The following QTMAN variants were observed in gnomAD, a reference collection of about 807,000 sequenced individuals.
The protein encoded by QTMAN is tRNA-queuosine alpha-mannosyltransferase.
At chr2:144,326,531 G>C in the QTMAN span, among the ~76,000 whole-genome samples, 1 of 147,112 alleles carries the variant, frequency 6.8e-6, no homozygotes, top group Non-Finnish European at 1.5e-5. Flanking sequence ...AGCTTGCAGT[G>C]AGCCGAGATT....
chr2:144,316,805 TATTCACTA>T, the QTMAN span, among the ~76,000 whole-genome samples: 1 of 152,214 alleles, frequency 6.6e-6, no homozygotes, highest in African/African-American at 2.4e-5. Context: ...ATTTCTTTTC[TATTCACTA>T]ATAACTTATC....
the QTMAN span, among the ~76,000 whole-genome samples, chr2:144,233,333 A>C: frequency 6.6e-6 from 1 of 152,202 alleles, no homozygotes; most frequent in African/African-American, 2.4e-5. Context: ...TTTAGCACCA[A>C]CTTCTATAAG....
chr2:143,954,827 C>T, the QTMAN span, among the ~76,000 whole-genome samples: 1 of 151,942 alleles, frequency 6.6e-6, no homozygotes, highest in South Asian at 2.1e-4. Context: ...TTAGGCACTA[C>T]CAGTTAAATA....
chr2:144,191,881 CTACT>C, the QTMAN span, among the ~76,000 whole-genome samples: 1 of 152,154 alleles, frequency 6.6e-6, no homozygotes, highest in Non-Finnish European at 1.5e-5. Flanking sequence ...CTCTTTTCCT[CTACT>C]GACTGACCAC....
the QTMAN span, among the ~76,000 whole-genome samples, chr2:144,105,573 G>A: frequency 6.6e-6 from 1 of 152,154 alleles, no homozygotes; most frequent in Non-Finnish European, 1.5e-5. Flanking sequence ...CAAAAGAAAT[G>A]AGCAAAGCCT....
At chr2:144,299,202 AC>A in the QTMAN span, among the ~76,000 whole-genome samples, 1 of 152,086 alleles carries the variant, frequency 6.6e-6, no homozygotes, top group African/African-American at 2.4e-5. Flanking sequence ...AGATTCAGAG[AC>A]CCCTAACTTG....
the QTMAN span, among the ~76,000 whole-genome samples, chr2:143,965,703 G>C: frequency 6.6e-6 from 1 of 152,206 alleles, no homozygotes; most frequent in Non-Finnish European, 1.5e-5. Flanking sequence ...CCACCCCATT[G>C]CACAACAGTT....
the QTMAN span, among the ~76,000 whole-genome samples, chr2:144,147,067 G>A: frequency 2.6e-5 from 4 of 151,730 alleles, no homozygotes; most frequent in Admixed American, 2.6e-4. Context: ...CAAGCCAAAT[G>A]GCTAACTTCA....
At chr2:144,110,678 G>C in the QTMAN span, among the ~76,000 whole-genome samples, 1 of 106,452 alleles carries the variant, frequency 9.4e-6, no homozygotes, top group African/African-American at 3.4e-5. Flanking sequence ...GAGAAAAATC[G>C]ACCCCCCCCC....
At chr2:144,017,326 A>G in the QTMAN span, among the ~76,000 whole-genome samples, 1 of 152,172 alleles carries the variant, frequency 6.6e-6, no homozygotes, top group Admixed American at 6.6e-5. Flanking sequence ...TTAAAAAATT[A>G]AAATGAATAA....
chr2:144,271,324 T>C, the QTMAN span, among the ~76,000 whole-genome samples: 1 of 152,218 alleles, frequency 6.6e-6, no homozygotes, highest in Non-Finnish European at 1.5e-5. Context: ...GCTCACACTC[T>C]AGAAATAAAC....
At chr2:144,100,859 C>CTTT in the QTMAN span, among the ~76,000 whole-genome samples, 240 of 77,948 alleles carry the variant, frequency 3.1e-3, 7 homozygotes, top group East Asian at 9.4e-3. Context: ...GTCTTTCTTT[C>CTTT]TTTTTTTTTT....
At chr2:144,289,252 G>C in the QTMAN span, among the ~76,000 whole-genome samples, 1 of 152,170 alleles carries the variant, frequency 6.6e-6, no homozygotes, top group South Asian at 2.1e-4. Context: ...GGATGGTCTC[G>C]ATCTAACCTC....
the QTMAN span, among the ~76,000 whole-genome samples, chr2:144,033,986 T>C: frequency 6.6e-6 from 1 of 152,174 alleles, no homozygotes; most frequent in African/African-American, 2.4e-5. Context: ...GCAATGTGGG[T>C]GCAGAATAAA....
chr2:144,152,160 T>C, the QTMAN span, among the ~76,000 whole-genome samples: 29 of 152,290 alleles, frequency 1.9e-4, no homozygotes, highest in Admixed American at 1.6e-3. Flanking sequence ...CCTGTGCTTA[T>C]CACGATGGCC....
the QTMAN span, among the ~76,000 whole-genome samples, chr2:144,204,733 G>T: frequency 1.3e-5 from 2 of 151,998 alleles, no homozygotes; most frequent in Non-Finnish European, 2.9e-5. Flanking sequence ...GCAAAGACTT[G>T]GAACCAGCCC....
the QTMAN span, among the ~76,000 whole-genome samples, chr2:144,278,223 T>C: frequency 7.2e-5 from 11 of 152,222 alleles, no homozygotes; most frequent in Non-Finnish European, 1.5e-4. Context: ...TACAGTCTTT[T>C]GCTTTTGCTC....
At chr2:143,992,350 A>AT in the QTMAN span, among the ~76,000 whole-genome samples, 2 of 146,968 alleles carry the variant, frequency 1.4e-5, no homozygotes, top group Non-Finnish European at 3.0e-5. Context: ...GCTCGTTAAG[A>AT]GTCATCACCA....
the QTMAN span, among the ~76,000 whole-genome samples, chr2:144,207,643 G>C: frequency 6.6e-6 from 1 of 152,024 alleles, no homozygotes. Flanking sequence ...TAAACGGCAA[G>C]AACATCAGCT....
Sources: gnomAD v4.1 joint callset for allele counts (sites outside exome capture counted in the v4.1 genomes callset) on GRCh38, gnomAD v4.1.1 for gene constraint, MANE v1.5 for transcripts, NCBI Gene and HGNC (gene_info 2026-07-23, HGNC 2026-07-21) for gene names.